MID1: variants seen among roughly 807,000 people sequenced by gnomAD.
The protein encoded by MID1 is midline 1.
Under a neutral mutation model 40.4 loss-of-function variants are expected in MID1, and 7 were observed. The ratio of observed to expected loss-of-function variants is 0.17; its 90% CI spans 0.10 to 0.33. The LOEUF is 0.33. MID1 is among the 10% of genes least tolerant of loss of function. The pLI, the probability that MID1 is intolerant of heterozygous loss-of-function variation, is 1.00. For missense variants in MID1, 367 were observed against 558.5 expected, an observed-to-expected ratio of 0.66 and a Z score of 3.46; for synonymous variants, 229 against 221.2, an observed-to-expected ratio of 1.04 and a Z score of -0.31.
chrX:10,553,098 A>G (rs950424652), intron 2 of MID1, among the ~76,000 whole-genome samples: 1 of 110,404 alleles, frequency 9.1e-6, no homozygotes, highest in African/African-American at 3.3e-5. Flanking sequence ...AAATACAAAA[A>G]TTAGCCGGGC....
chrX:10,551,320 T>G (rs1285080710), intron 2 of MID1, among the ~76,000 whole-genome samples: 1 of 112,629 alleles, frequency 8.9e-6, no homozygotes, highest in Non-Finnish European at 1.9e-5. Flanking sequence ...TGGTATTATT[T>G]TATCCTATCC....
At chrX:10,466,104 T>G (rs1360796164) in intron 7 of MID1, among the ~76,000 whole-genome samples, 1 of 112,007 alleles carries the variant, frequency 8.9e-6, no homozygotes, top group African/African-American at 3.2e-5. Context: ...CTATGTATTT[T>G]CAGAGAACCT....
intron 1 of MID1, among the ~76,000 whole-genome samples, chrX:10,597,044 AAAAG>A (rs1935425340): frequency 9.0e-6 from 1 of 111,364 alleles, no homozygotes; most frequent in Non-Finnish European, 1.9e-5. Flanking sequence ...AAGGCAAAAA[AAAAG>A]AGAGAGAGAG....
chrX:10,527,744 C>A (rs922403812), intron 2 of MID1, among the ~76,000 whole-genome samples: 2 of 111,694 alleles, frequency 1.8e-5, no homozygotes, highest in Non-Finnish European at 3.8e-5. Flanking sequence ...AGCTTTTTCA[C>A]CTCCTGGGTG....
intron 1 of MID1, among the ~76,000 whole-genome samples, chrX:10,732,078 G>T: frequency 9.1e-6 from 1 of 109,437 alleles, no homozygotes; most frequent in Non-Finnish European, 1.9e-5. Context: ...GACATCTATG[G>T]AAAACCTACA....
intron 8 of MID1, among the ~76,000 whole-genome samples, chrX:10,459,298 C>G (rs1259122255): frequency 8.9e-6 from 1 of 112,153 alleles, no homozygotes; most frequent in Non-Finnish European, 1.9e-5. Flanking sequence ...AAAAATAACA[C>G]TATCCACCAT....
chrX:10,741,437 G>A (rs12008900), intron 1 of MID1, among the ~76,000 whole-genome samples: 11,362 of 109,143 alleles, frequency 0.1, 1,484 homozygotes, highest in African/African-American at 0.36. Flanking sequence ...AACACAGGAC[G>A]AGGGCATGCT....
In MID1 at chrX:10,796,484, C is replaced by T. The variant is rs60775828; in HGVS notation, c.-187+37070G>A. ...TTAATAAAGTGCTTTGTGTAGGCCC[C>T]GCATTTTTGTTTGGGCCAAAGAGAA... On this transcript the variant is annotated intron_variant, in intron 1 of 10. Coordinates refer to the MID1 transcript ENST00000380785. Among the ~76,000 whole-genome samples, 317 of 105,214 alleles carry T rather than the reference C, an allele frequency of 3.0e-3. 2 individuals carry two copies. Among genetic ancestry groups the T allele is most frequent in the African/African-American group, 0.01 (293 of 28,464 alleles). 91.4% of individuals were successfully genotyped at this position (105,214 alleles called of 115,157 possible). A position where few individuals can be genotyped will look rare whatever the true frequency, so the allele number is the denominator to read the frequency against.
At chrX:10,589,165 C>G (rs1419433940) in intron 1 of MID1, among the ~76,000 whole-genome samples, 1 of 111,820 alleles carries the variant, frequency 8.9e-6, no homozygotes, top group Non-Finnish European at 1.9e-5. Context: ...AAATCTAAGC[C>G]AGGTCAAAAC....
chrX:10,605,301 A>G (rs1019607020), intron 1 of MID1, among the ~76,000 whole-genome samples: 1 of 112,044 alleles, frequency 8.9e-6, no homozygotes, highest in African/African-American at 3.2e-5. Context: ...TATAGAGAAC[A>G]TAAGGGCTCT....
At chrX:10,507,957 C>T (rs1247447631) in intron 3 of MID1, among the ~76,000 whole-genome samples, 1 of 112,073 alleles carries the variant, frequency 8.9e-6, no homozygotes, top group African/African-American at 3.2e-5. Flanking sequence ...TTCCAGAGAT[C>T]TTTGCAACAG....
At chrX:10,461,292 T>C (rs1157455015) in intron 7 of MID1, among the ~76,000 whole-genome samples, 1 of 108,377 alleles carries the variant, frequency 9.2e-6, no homozygotes, top group Non-Finnish European at 1.9e-5. Context: ...TTAGGACTCA[T>C]AGAAGGGTTT....
chrX:10,690,252 G>C (rs893015229), intron 1 of MID1, among the ~76,000 whole-genome samples: 12 of 111,929 alleles, frequency 1.1e-4, no homozygotes, highest in African/African-American at 3.9e-4. Context: ...TTAAGTACCT[G>C]GCTAGAGATC....
chrX:10,805,170 C>T (rs1214995351), intron 1 of MID1, among the ~76,000 whole-genome samples: 2 of 109,177 alleles, frequency 1.8e-5, no homozygotes, highest in African/African-American at 6.7e-5. Context: ...GCTGCACCCA[C>T]TAACTTGTCA....
At position 10,767,507 on chromosome X, in the gene MID1, G is replaced by A. The variant is rs760887235; in HGVS notation, c.-187+66047C>T. ...GCTAATTTTTTGTATTTTTAGTAGA[G>A]ACGGGGTTTCACTATGTTAGCCAGG... is the stretch of plus-strand genomic sequence containing the variant. On this transcript the variant is annotated intron_variant, in intron 1 of 10. Coordinates refer to the MID1 transcript ENST00000380785. 2.9e-3 allele frequency among the ~76,000 whole-genome samples: 319 copies of A among 111,064 alleles called. 1 individual carries two copies. The highest frequency in any genetic ancestry group is 0.01 in the African/African-American group (311 of 30,524).
At chrX:10,509,433 T>TA (rs1431661828) in intron 3 of MID1, among the ~76,000 whole-genome samples, 2 of 111,776 alleles carry the variant, frequency 1.8e-5, no homozygotes. Context: ...CCAGAAAAGA[T>TA]AGAGAAGGTA....
At position 10,567,225 on chromosome X, in the gene MID1, G is replaced by C. The variant is rs751104556; in HGVS notation, c.323C>G (p.Ala108Gly). Residue 108 changes from alanine (A) to glycine (G), a missense_variant, in exon 2 of 10, where the codon GCC becomes GGC. Coordinates refer to ENST00000317552, the MANE Select transcript of MID1 (RefSeq NM_000381.4). ...SETRRERAFD[A>G]NTMTSAEKVL... ...CTTCTCGGCGGAGGTCATGGTGTTG[G>C]CGTCAAAGGCCCGCTCCCGACGGGT... 10 of 1,210,917 alleles carry C rather than the reference G, an allele frequency of 8.3e-6. No homozygotes were observed. Among genetic ancestry groups the C allele is most frequent in the Non-Finnish European group, 1.1e-5 (10 of 894,822 alleles).
chrX:10,788,979 C>CAAAAA (rs2043907539), intron 1 of MID1, among the ~76,000 whole-genome samples: 1 of 110,406 alleles, frequency 9.1e-6, no homozygotes, highest in Non-Finnish European at 1.9e-5. Flanking sequence ...AAAACAAAAA[C>CAAAAA]AAAAACAAAA....
chrX:10,719,491 G>C (rs1273757608), intron 1 of MID1, among the ~76,000 whole-genome samples: 1 of 110,411 alleles, frequency 9.1e-6, no homozygotes, highest in Non-Finnish European at 1.9e-5. Flanking sequence ...AACTTACAAG[G>C]GATGTGAAGG....
Sources: gnomAD v4.1 joint callset for allele counts (sites outside exome capture counted in the v4.1 genomes callset) on GRCh38, gnomAD v4.1.1 for gene constraint, MANE v1.5 for transcripts, NCBI Gene and HGNC (gene_info 2026-07-23, HGNC 2026-07-21) for gene names.